ARHGAP32: variants seen among roughly 807,000 people sequenced by gnomAD.
ARHGAP32 encodes the protein rho GTPase-activating protein 32.
Under a neutral mutation model 186.5 loss-of-function variants are expected in ARHGAP32, and 51 were observed. That is an observed-to-expected ratio of 0.27 (90% CI 0.22 to 0.35). The LOEUF (loss-of-function observed/expected upper bound fraction) is 0.35, where lower values mean the gene tolerates loss of function less well. ARHGAP32 is among the 10% of genes least tolerant of loss of function. The probability of loss-of-function intolerance (pLI) is 1.00; values close to 1 mark genes in which losing one functional copy is unlikely to be tolerated. For synonymous variants in ARHGAP32, 950 were observed against 964.3 expected (o/e 0.99, Z 0.27); for missense variants, 2,186 against 2,623.5 (o/e 0.83, Z 3.64).
intron 1 of ARHGAP32, among the ~76,000 whole-genome samples, chr11:129,199,478 A>C (rs1944433268): frequency 6.6e-6 from 1 of 152,246 alleles, no homozygotes. Context: ...TATGGCTAAA[A>C]GGGGCCAAGA....
At chr11:129,093,825 G>C (rs1941653293) in intron 5 of ARHGAP32, 118 bp from the exon 6 acceptor site, 1 of 690,562 alleles carries the variant, frequency 1.4e-6, no homozygotes, top group South Asian at 1.8e-5. Flanking sequence ...CTTAATGTGA[G>C]ACATATCTTA....
At chr11:128,975,227 C>T (rs933343638) in intron 20 of ARHGAP32, among the ~76,000 whole-genome samples, 18 of 151,986 alleles carry the variant, frequency 1.2e-4, no homozygotes, top group Admixed American at 3.3e-4. Flanking sequence ...AATCAGAGGG[C>T]GAATGCAGTA....
At chr11:129,194,544 A>G (rs913433741), upstream of ARHGAP32, among the ~76,000 whole-genome samples, 2 of 152,172 alleles carry the variant, frequency 1.3e-5, no homozygotes, top group African/African-American at 4.8e-5. Flanking sequence ...TGTGTTTTCA[A>G]TGAGGAGTTA....
intron 2 of ARHGAP32, among the ~76,000 whole-genome samples, chr11:129,155,920 G>C (rs1943392716): frequency 6.6e-6 from 1 of 152,192 alleles, no homozygotes. Context: ...GCAGCCCATG[G>C]AAGGCGAGCC....
intron 1 of ARHGAP32, among the ~76,000 whole-genome samples, chr11:129,171,810 T>A (rs1315258564): frequency 6.6e-6 from 1 of 152,230 alleles, no homozygotes; most frequent in Non-Finnish European, 1.5e-5. Context: ...GAAGAAGGAA[T>A]GTTTTTCTAT....
intron 10 of ARHGAP32, among the ~76,000 whole-genome samples, chr11:129,059,051 T>C (rs915066740): frequency 5.3e-5 from 8 of 152,234 alleles, no homozygotes; most frequent in African/African-American, 1.9e-4. Flanking sequence ...GGCTAATCTT[T>C]ACACTATATT....
chr11:129,258,416 G>A (rs1021546639), intron 1 of ARHGAP32, among the ~76,000 whole-genome samples: 1 of 152,056 alleles, frequency 6.6e-6, no homozygotes, highest in African/African-American at 2.4e-5. Flanking sequence ...CTTTAGACTG[G>A]GATCTGAAAG....
rs1942588232 is a variant in ARHGAP32, at chr11:129,123,673, C to A, written c.360-143G>T. The A allele has an allele frequency of 1.3e-6, 1 of 790,948 alleles. No individual in the cohort carries two copies. The highest frequency in any genetic ancestry group is 2.5e-5 in the Admixed American group (1 of 39,396). 49.0% of individuals were successfully genotyped at this position (790,948 alleles called of 1,614,324 possible). Reference sequence around the variant, plus strand: ...TGCGCATGAGCCACACATATCCGCACAAATCCTCTTAAAAATACACTGAGT... The same window carrying A: ...TGCGCATGAGCCACACATATCCGCAAAAATCCTCTTAAAAATACACTGAGT... On this transcript the variant is annotated intron_variant, in intron 4 of 22. Coordinates refer to ENST00000682385, the MANE Select transcript of ARHGAP32 (RefSeq NM_001378024.1). The surrounding 1 kb of genome is among the most constrained non-coding windows in gnomAD (Gnocchi z 4.6).
chr11:128,969,372 T>C lies in ARHGAP32; in HGVS notation c.5841A>G (p.Glu1947=). Residue 1947 remains glutamate, a synonymous_variant, in exon 23 of 23, where the codon GAA becomes GAG. Transcript: ENST00000682385. The surrounding 1 kb of genome is among the most constrained non-coding windows in gnomAD (Gnocchi z 4.8). ...CCTCTTTGTGGTTCAGTCTTAAAGA[T>C]TCTTGCCCGGATGCAGCATATTTTA... ...SGVKYAASGQ[E]SLRLNHKEVR... The C allele has an allele frequency of 6.2e-7, 1 of 1,614,220 alleles. No individual in the cohort carries two copies. The highest frequency in any genetic ancestry group is 8.5e-7 in the Non-Finnish European group (1 of 1,180,044).
chr11:129,096,693 A>C (rs1173506449), intron 5 of ARHGAP32, among the ~76,000 whole-genome samples: 3 of 152,248 alleles, frequency 2.0e-5, no homozygotes, highest in Non-Finnish European at 2.9e-5. Context: ...GCAGAGGTGC[A>C]GACAAATAGC....
rs747578080 is a variant in ARHGAP32 at position 129,062,269 on chromosome 11, C to T, written c.963+11G>A. On this transcript the variant is annotated intron_variant, in intron 10 of 22. Transcript: ENST00000682385. ...TTTGAATTTTCCCACACCTAATTTG[C>T]TGCTGCCTACCTGGAATCCGTGCTT... 3 of 1,611,916 alleles carry T rather than the reference C, an allele frequency of 1.9e-6. No individual in the cohort carries two copies. The highest frequency in any genetic ancestry group is 2.5e-6 in the Non-Finnish European group (3 of 1,178,484).
intron 6 of ARHGAP32, among the ~76,000 whole-genome samples, chr11:129,072,851 C>T (rs908239746): frequency 2.6e-5 from 4 of 152,202 alleles, no homozygotes; most frequent in Non-Finnish European, 5.9e-5. Context: ...CACACCCAAA[C>T]ACTATGTTTT....
intron 1 of ARHGAP32, among the ~76,000 whole-genome samples, chr11:129,268,664 CAAAAAAAAAA>C (rs58858606): frequency 2.4e-4 from 11 of 46,398 alleles, no homozygotes; most frequent in Admixed American, 7.1e-4. Flanking sequence ...GCCTCCTCAC[CAAAAAAAAAA>C]AAAAAAAAAA....
At chr11:128,973,948 A>T in intron 21 of ARHGAP32, 176 bp downstream of exon 21, 1 of 684,254 alleles carries the variant, frequency 1.5e-6, no homozygotes, top group Non-Finnish European at 2.4e-6. Flanking sequence ...CCTTTTGGGG[A>T]GTTTTGTTGG....
At chr11:129,025,155 G>T (rs528499319) in intron 11 of ARHGAP32, among the ~76,000 whole-genome samples, 2 of 152,216 alleles carry the variant, frequency 1.3e-5, no homozygotes, top group East Asian at 3.9e-4. Flanking sequence ...CTAATCTAAT[G>T]AAGGCAGTTC....
chr11:129,258,014 A>G (rs1945276799), intron 1 of ARHGAP32, among the ~76,000 whole-genome samples: 1 of 152,198 alleles, frequency 6.6e-6, no homozygotes, highest in Non-Finnish European at 1.5e-5. Flanking sequence ...AAACATGTCA[A>G]TAAAATGAAC....
chr11:129,238,718 AT>A (rs1411371283), intron 1 of ARHGAP32, among the ~76,000 whole-genome samples: 22 of 151,770 alleles, frequency 1.4e-4, no homozygotes, highest in Non-Finnish European at 3.1e-4. Context: ...TCTCAAAAAA[AT>A]AAACCAACCA....
At chr11:129,076,345 A>G (rs1941043334) in intron 6 of ARHGAP32, among the ~76,000 whole-genome samples, 1 of 152,190 alleles carries the variant, frequency 6.6e-6, no homozygotes, top group Non-Finnish European at 1.5e-5. Flanking sequence ...TTTCTAATAA[A>G]CTTGCTTTCA....
At position 128,969,798 on chromosome 11, in the gene ARHGAP32, A is replaced by C; in HGVS notation, c.5415T>G (p.His1805Gln). 1 of 1,614,170 alleles carries C rather than the reference A, an allele frequency of 6.2e-7. No individual in the cohort carries two copies. The change falls in exon 23 of 23, where the codon CAT (histidine) becomes CAG (glutamine). Residue 1805 changes from histidine to glutamine, a missense_variant. By Grantham distance (24) the His-to-Gln change is conservative. Transcript: ENST00000682385. The surrounding 1 kb of genome is among the most constrained non-coding windows in gnomAD (Gnocchi z 4.8). ...TCCCAGGATCTGATTTACTACGCAG[A>C]TGGATGACATAGATCCCACCCAAGT... ...QDDLGGIYVIHLRSKSDPGKT... is the reference protein window; with the variant it reads ...QDDLGGIYVIQLRSKSDPGKT...
Sources: allele counts gnomAD v4.1 joint callset (sites outside exome capture counted in the v4.1 genomes callset), GRCh38; gene constraint gnomAD v4.1.1; non-coding constraint Gnocchi (gnomAD v3.1); transcripts MANE v1.5; gene names NCBI Gene and HGNC (gene_info 2026-07-23, HGNC 2026-07-21).